FGD6: variants seen among roughly 807,000 people sequenced by gnomAD.
FGD6 encodes FYVE, RhoGEF and PH domain containing 6, also known as FYVE, RhoGEF and PH domain-containing protein 6.
Under a neutral mutation model 149.4 loss-of-function variants are expected in FGD6, and 90 were observed. The ratio of observed to expected loss-of-function variants is 0.60; its 90% CI spans 0.51 to 0.72. FGD6 has a LOEUF of 0.72. Ranked by LOEUF, FGD6 falls within the 30% of genes least tolerant of loss-of-function variation. The pLI is 0.00. For missense variants in FGD6, 1,437 were observed against 1,684.8 expected, an observed-to-expected ratio of 0.85 and a Z score of 2.57; for synonymous variants, 527 against 584.0, an observed-to-expected ratio of 0.90 and a Z score of 1.41.
rs2056720890 is a variant in FGD6 at position 95,210,568 on chromosome 12, T to C, written c.716A>G (p.His239Arg). Residue 239 changes from histidine (H) to arginine (R), a missense_variant, in exon 2 of 21, where the codon CAC (histidine) becomes CGC (arginine). By Grantham distance (29) the His-to-Arg change is conservative. Around this residue, in one of 2 missense-constraint regions of FGD6, gnomAD observed 1,055 missense variants for 1,146.0 expected, o/e 0.92. Coordinates refer to ENST00000343958, the MANE Select transcript of FGD6 (RefSeq NM_018351.4). ...ACTAGGAAGCTGTAAGTGGCAACTG[T>C]GATGATCAGGAACTTTTTCAAAGCT... ...PSSFEKVPDH[H>R]SCHLQLPSDE... 3 of 1,614,206 alleles carry C rather than the reference T, an allele frequency of 1.9e-6. No homozygotes were observed. Among genetic ancestry groups the C allele is most frequent in the Non-Finnish European group, 2.5e-6 (3 of 1,180,046 alleles).
At chr12:95,198,134 TTAA>T (rs747626496) in intron 2 of FGD6, among the ~76,000 whole-genome samples, 159 of 152,286 alleles carry the variant, frequency 1.0e-3, no homozygotes, top group Middle Eastern at 3.4e-3. Context: ...TCTACCAATA[TTAA>T]TAATAAAAAA....
At chr12:95,131,495 G>A (rs1208175438) in intron 8 of FGD6, among the ~76,000 whole-genome samples, 1 of 152,018 alleles carries the variant, frequency 6.6e-6, no homozygotes, top group East Asian at 1.9e-4. Flanking sequence ...TATTTTGGAG[G>A]CCACTAAATT....
intron 2 of FGD6, among the ~76,000 whole-genome samples, chr12:95,201,513 A>G (rs2056662326): frequency 6.6e-6 from 1 of 152,152 alleles, no homozygotes; most frequent in South Asian, 2.1e-4. Flanking sequence ...ACTACTGCAA[A>G]AATGCATTCC....
At chr12:95,083,484 A>G (rs1239705033) in intron 20 of FGD6, among the ~76,000 whole-genome samples, 2 of 152,182 alleles carry the variant, frequency 1.3e-5, no homozygotes, top group African/African-American at 4.8e-5. Flanking sequence ...ATATCTGACA[A>G]TATTAGGGCA....
chr12:95,180,906 G>C (rs1264564248), intron 2 of FGD6, among the ~76,000 whole-genome samples: 1 of 151,760 alleles, frequency 6.6e-6, no homozygotes, highest in Admixed American at 6.6e-5. Flanking sequence ...AGGATGATGA[G>C]ATTAAAGATA....
intron 8 of FGD6, among the ~76,000 whole-genome samples, chr12:95,121,623 A>G (rs1478528218): frequency 6.6e-6 from 1 of 151,542 alleles, no homozygotes; most frequent in African/African-American, 2.4e-5. Context: ...TATTTGTAGT[A>G]TATGTATTAA....
chr12:95,134,692 G>A (rs1305500535), intron 8 of FGD6, 47 bp downstream of exon 8: 2 of 1,550,878 alleles, frequency 1.3e-6, no homozygotes, highest in Non-Finnish European at 1.8e-6. Context: ...AGAGTTGGCT[G>A]ATGGATAAAC....
At chr12:95,161,045 T>C (rs1880626106) in intron 3 of FGD6, among the ~76,000 whole-genome samples, 1 of 150,698 alleles carries the variant, frequency 6.6e-6, no homozygotes, top group Non-Finnish European at 1.5e-5. Context: ...CTGGGCATGG[T>C]GGCACACACC....
At chr12:95,104,879 T>G (rs962422725) in intron 14 of FGD6, 128 bp downstream of exon 14, 2 of 699,646 alleles carry the variant, frequency 2.9e-6, no homozygotes, top group African/African-American at 3.6e-5. Flanking sequence ...TGCCACTGCA[T>G]TCCAGCCTGG....
At chr12:95,131,011 T>C (rs1425829794) in intron 8 of FGD6, among the ~76,000 whole-genome samples, 1 of 152,156 alleles carries the variant, frequency 6.6e-6, no homozygotes, top group Non-Finnish European at 1.5e-5. Flanking sequence ...ACATTTCACC[T>C]TTGTGCTTGT....
chr12:95,163,492 G>C (rs188321262), intron 3 of FGD6, among the ~76,000 whole-genome samples: 1 of 152,184 alleles, frequency 6.6e-6, no homozygotes, highest in Admixed American at 6.5e-5. Context: ...ATTCCCTCTA[G>C]TCTCCGATCT....
At chr12:95,158,746 G>T (rs1472699547) in intron 3 of FGD6, among the ~76,000 whole-genome samples, 1 of 152,030 alleles carries the variant, frequency 6.6e-6, no homozygotes, top group Non-Finnish European at 1.5e-5. Flanking sequence ...AATGGGCTTG[G>T]CATGGTGGTT....
chr12:95,081,498 A>G lies in FGD6; in HGVS notation c.*22T>C. The G allele has an allele frequency of 1.9e-6, 3 of 1,587,028 alleles. No individual in the cohort carries two copies. Among genetic ancestry groups the G allele is most frequent in the South Asian group, 1.2e-5 (1 of 85,698 alleles). On this transcript the variant is annotated 3_prime_UTR_variant, in exon 21 of 21. Transcript: ENST00000343958. ...TGAAATTCCACCTCTTTGGAATCAC[A>G]GAAGAGATGAAACCAATACTGCTAC...
chr12:95,173,340 G>A (rs528208205), intron 2 of FGD6, among the ~76,000 whole-genome samples: 7 of 152,260 alleles, frequency 4.6e-5, no homozygotes, highest in African/African-American at 7.2e-5. Context: ...TTAGAACTAC[G>A]AGGGGCCCAG....
intron 2 of FGD6, among the ~76,000 whole-genome samples, chr12:95,196,165 G>A (rs569293903): frequency 6.0e-4 from 91 of 152,248 alleles, no homozygotes; most frequent in African/African-American, 1.9e-3. Flanking sequence ...GAGTAATTTC[G>A]TATTTTTAAA....
At chr12:95,167,150 T>C (rs1338270539) in intron 3 of FGD6, among the ~76,000 whole-genome samples, 2 of 152,156 alleles carry the variant, frequency 1.3e-5, no homozygotes, top group East Asian at 1.9e-4. Flanking sequence ...CCACTGCACC[T>C]GGCCCTTTCT....
At chr12:95,185,565 T>C (rs1247872182) in intron 2 of FGD6, among the ~76,000 whole-genome samples, 1 of 152,158 alleles carries the variant, frequency 6.6e-6, no homozygotes, top group Non-Finnish European at 1.5e-5. Context: ...CCCTATACTA[T>C]AAAATTGAGA....
intron 18 of FGD6, 118 bp from the exon 19 acceptor site, chr12:95,086,026 A>G: frequency 1.9e-6 from 2 of 1,056,884 alleles, no homozygotes; most frequent in Non-Finnish European, 2.7e-6. Context: ...TTTCAGAATG[A>G]AATATATTTT....
rs1326039312 is a variant in FGD6 at position 95,148,776 on chromosome 12, T to TTA, written c.2685+4033_2685+4034dup. ...CATAGCATATGTTATATTACATATA[T>TTA]TATATATTATATAATACATAGCATA... On this transcript the variant is annotated intron_variant, in intron 5 of 20. Transcript: ENST00000343958. Among the ~76,000 whole-genome samples, 429 of 68,800 alleles carry TTA rather than the reference T, an allele frequency of 6.2e-3. 20 individuals carry two copies. Among genetic ancestry groups the TTA allele is most frequent in the South Asian group, 0.011 (22 of 2,058 alleles). The allele number at this position is 68,800 out of a possible 152,430, so 45.1% of individuals were successfully genotyped here.
Sources: gnomAD v4.1 joint callset for allele counts (sites outside exome capture counted in the v4.1 genomes callset) on GRCh38, gnomAD v4.1.1 for gene constraint, gnomAD v4.1.1 regional missense constraint, MANE v1.5 for transcripts, NCBI Gene and HGNC (gene_info 2026-07-23, HGNC 2026-07-21) for gene names.